The following RANBP17 variants were observed in gnomAD, a reference collection of about 807,000 sequenced individuals.
The protein encoded by RANBP17 is ran-binding protein 17.
A neutral mutation model predicts 141.2 loss-of-function variants in RANBP17; 158 were observed. The observed-to-expected ratio is 1.12, with a 90% CI of 0.98 to 1.28. The LOEUF is 1.28. RANBP17 is among the 50% of genes most tolerant of loss of function. The pLI is 0.00. For missense variants in RANBP17, 1,438 were observed against 1,290.7 expected, an observed-to-expected ratio of 1.11 and a Z score of -1.75; for synonymous variants, 430 against 450.0, an observed-to-expected ratio of 0.96 and a Z score of 0.56.
chr5:171,018,184 C>T (rs1223467961), intron 14 of RANBP17, among the ~76,000 whole-genome samples: 4 of 151,860 alleles, frequency 2.6e-5, no homozygotes, highest in East Asian at 1.9e-4. Context: ...GAAGTCAGGT[C>T]GTGTGATGCC....
chr5:171,219,960 A>T (rs766991971), intron 21 of RANBP17, among the ~76,000 whole-genome samples: 26 of 152,044 alleles, frequency 1.7e-4, no homozygotes, highest in Non-Finnish European at 3.2e-4. Flanking sequence ...GATCATTTGG[A>T]GGAGAAGAGG....
intron 14 of RANBP17, among the ~76,000 whole-genome samples, chr5:171,102,144 G>A (rs1581639122): frequency 6.6e-6 from 1 of 152,136 alleles, no homozygotes. Context: ...GGCCTGTCTT[G>A]CTAGGTTGGG....
At chr5:171,194,911 A>G (rs1761871910) in intron 18 of RANBP17, among the ~76,000 whole-genome samples, 1 of 152,230 alleles carries the variant, frequency 6.6e-6, no homozygotes, top group African/African-American at 2.4e-5. Flanking sequence ...CCAACATACT[A>G]AAACAGTTAC....
At chr5:171,012,982 A>C (rs190548438) in intron 14 of RANBP17, among the ~76,000 whole-genome samples, 1 of 152,312 alleles carries the variant, frequency 6.6e-6, no homozygotes, top group Admixed American at 6.5e-5. Flanking sequence ...AGTTAACCCA[A>C]ATGAGGAAAC....
intron 16 of RANBP17, among the ~76,000 whole-genome samples, chr5:171,180,950 C>T (rs1474209841): frequency 2.6e-5 from 4 of 152,178 alleles, no homozygotes; most frequent in Non-Finnish European, 5.9e-5. Flanking sequence ...TTAATGGCAG[C>T]ATTCTTATTA....
chr5:171,251,804 C>T, intron 24 of RANBP17: 2 of 1,200,382 alleles, frequency 1.7e-6, no homozygotes, highest in Non-Finnish European at 2.5e-6. Context: ...GAAGATGGTG[C>T]TGGCCGGATG....
Position 171,299,186 on chromosome 5 carries a change from A to G in RANBP17, c.*328A>G, listed in dbSNP as rs780581117. The G allele has an allele frequency of 3.6e-6, 1 of 276,544 alleles. No individual in the cohort carries two copies. The highest frequency in any genetic ancestry group is 6.9e-6 in the Non-Finnish European group (1 of 144,126). The allele number at this position is 276,544 out of a possible 1,614,324, so 17.1% of individuals were successfully genotyped here. On this transcript the variant is annotated 3_prime_UTR_variant, in exon 28 of 28. Coordinates refer to ENST00000523189, the MANE Select transcript of RANBP17 (RefSeq NM_022897.5). ...AAACCAGGTTTGCACCTAAGTGTGTACTAGTTTATGGTTCTGCAGTCAAGG... is the reference window on the plus strand; with the variant it reads ...AAACCAGGTTTGCACCTAAGTGTGTGCTAGTTTATGGTTCTGCAGTCAAGG...
chr5:171,114,303 T>A (rs1455752432), intron 14 of RANBP17, among the ~76,000 whole-genome samples: 1 of 152,114 alleles, frequency 6.6e-6, no homozygotes, highest in Non-Finnish European at 1.5e-5. Context: ...TTTCAGACAG[T>A]CCAGCCATTC....
chr5:170,896,265 T>G (rs1463059199), intron 5 of RANBP17, 150 bp downstream of exon 5: 1 of 585,802 alleles, frequency 1.7e-6, no homozygotes, highest in Admixed American at 3.4e-5. Context: ...TCTGTTTTAT[T>G]GATGGGCTAA....
At chr5:171,169,939 A>T (rs1206239130) in intron 14 of RANBP17, among the ~76,000 whole-genome samples, 191 bp from the exon 15 acceptor site, 1 of 152,090 alleles carries the variant, frequency 6.6e-6, no homozygotes, top group Non-Finnish European at 1.5e-5. Context: ...AATAGGAGCG[A>T]TCTGGAGGAA....
chr5:171,153,247 G>A (rs1163934239), intron 14 of RANBP17, among the ~76,000 whole-genome samples: 1 of 152,180 alleles, frequency 6.6e-6, no homozygotes, highest in Non-Finnish European at 1.5e-5. Context: ...AATTAGAGCA[G>A]CATCTTATTA....
chr5:171,274,959 A>T (rs1767397932), intron 25 of RANBP17, among the ~76,000 whole-genome samples: 1 of 152,232 alleles, frequency 6.6e-6, no homozygotes, highest in Non-Finnish European at 1.5e-5. Context: ...TGGTTAACAG[A>T]ACAGAGAGGA....
chr5:171,264,983 C>T (rs985088869), intron 24 of RANBP17, among the ~76,000 whole-genome samples: 3 of 152,192 alleles, frequency 2.0e-5, no homozygotes, highest in African/African-American at 7.2e-5. Context: ...CTCAATTTGT[C>T]ATTTTTACAC....
intron 22 of RANBP17, among the ~76,000 whole-genome samples, chr5:171,229,551 T>A (rs1764082343): frequency 6.6e-6 from 1 of 151,598 alleles, no homozygotes; most frequent in African/African-American, 2.4e-5. Context: ...CCCGCCACCA[T>A]GCCTTGCTAA....
At chr5:171,063,562 C>G (rs191567692) in intron 14 of RANBP17, among the ~76,000 whole-genome samples, 2,756 of 152,256 alleles carry the variant, frequency 0.018, 78 homozygotes, top group African/African-American at 0.063. Context: ...AGGTGTCAGT[C>G]TGCCCCTACT....
rs1327135898 is a variant in RANBP17, at chr5:171,183,543, T to C, written c.2038+113T>C. On this transcript the variant is annotated intron_variant, in intron 18 of 27. Coordinates refer to ENST00000523189, the MANE Select transcript of RANBP17 (RefSeq NM_022897.5). ...TTAACTTATTAGAATTAGCGTCTTC[T>C]GACAGTTTTCTACAACCTTCTAAGA... 4.3e-6 allele frequency: 3 copies of C among 697,630 alleles called. No homozygotes were observed. The East Asian group carries it at 8.2e-5, about 19-fold the overall frequency. The allele number at this position is 697,630 out of a possible 1,614,324, so 43.2% of individuals were successfully genotyped here.
chr5:170,898,375 G>GT (rs1374225789), intron 5 of RANBP17, among the ~76,000 whole-genome samples: 8 of 150,998 alleles, frequency 5.3e-5, no homozygotes, highest in South Asian at 2.1e-4. Flanking sequence ...TTGTGATGGG[G>GT]TTTTTTTTTC....
chr5:171,091,281 T>A (rs963583535), intron 14 of RANBP17, among the ~76,000 whole-genome samples: 8 of 152,188 alleles, frequency 5.3e-5, no homozygotes, highest in Admixed American at 5.2e-4. Context: ...GCTCTAAGAT[T>A]TTACTTCCTC....
chr5:171,073,056 G>A (rs1248298998), intron 14 of RANBP17, among the ~76,000 whole-genome samples: 1 of 152,114 alleles, frequency 6.6e-6, no homozygotes, highest in African/African-American at 2.4e-5. Context: ...AGGAGGTGGG[G>A]GAGGGGTCAG....
Sources: gnomAD v4.1 joint callset for allele counts (sites outside exome capture counted in the v4.1 genomes callset) on GRCh38, gnomAD v4.1.1 for gene constraint, MANE v1.5 for transcripts, NCBI Gene and HGNC (gene_info 2026-07-23, HGNC 2026-07-21) for gene names.